The following CALB1 variants were observed in gnomAD, a reference collection of about 807,000 sequenced individuals.
CALB1 encodes calbindin 1, also known as calbindin.
In CALB1, 16 loss-of-function variants were observed where a neutral mutation model predicts 46.7. That is an observed-to-expected ratio of 0.34 (90% CI 0.23 to 0.52). The LOEUF (loss-of-function observed/expected upper bound fraction) is 0.52, where lower values mean the gene tolerates loss of function less well. CALB1 is among the 20% of genes least tolerant of loss of function. The probability of loss-of-function intolerance (pLI) is 0.95; values close to 1 mark genes in which losing one functional copy is unlikely to be tolerated. For synonymous variants in CALB1, 90 were observed against 112.8 expected (o/e 0.80, Z 1.28); for missense variants, 224 against 300.3 (o/e 0.75, Z 1.88).
At chr8:90,074,130 A>G (rs983328316) in intron 3 of CALB1, among the ~76,000 whole-genome samples, 3 of 152,160 alleles carry the variant, frequency 2.0e-5, no homozygotes, top group Non-Finnish European at 4.4e-5. Flanking sequence ...CTTTCAGTTT[A>G]ATAATTTGAA....
Position 90,058,739 on chromosome 8 carries a change from T to C in CALB1, c.*1434A>G, listed in dbSNP as rs1185773802. On this transcript the variant is annotated 3_prime_UTR_variant, in exon 11 of 11. Transcript: ENST00000265431. ...TTGTTGAATTTTAGTTTTTGGCAAATCTCGTTTCTGTTTGTTCTTGAGGGA... is the reference window on the plus strand; with the variant it reads ...TTGTTGAATTTTAGTTTTTGGCAAACCTCGTTTCTGTTTGTTCTTGAGGGA... The C allele has an allele frequency of 6.6e-6, 1 of 152,238 alleles. No homozygotes were observed. The highest frequency in any genetic ancestry group is 1.5e-5 in the Non-Finnish European group (1 of 68,050). 9.4% of individuals were successfully genotyped at this position (152,238 alleles called of 1,614,324 possible). A position where few individuals can be genotyped will look rare whatever the true frequency, so the allele number is the denominator to read the frequency against.
At chr8:90,077,225 T>C (rs948872589) in intron 3 of CALB1, among the ~76,000 whole-genome samples, 1 of 151,986 alleles carries the variant, frequency 6.6e-6, no homozygotes, top group Non-Finnish European at 1.5e-5. Flanking sequence ...TAGTAATGAG[T>C]TACACACGGG....
At chr8:90,078,261 T>C in intron 3 of CALB1, 112 bp downstream of exon 3, 1 of 648,416 alleles carries the variant, frequency 1.5e-6, no homozygotes, top group Non-Finnish European at 2.7e-6. Flanking sequence ...ATTACTTAGG[T>C]AAAATAAACT....
chr8:90,077,516 A>C (rs1264524110), intron 3 of CALB1, among the ~76,000 whole-genome samples: 1 of 152,052 alleles, frequency 6.6e-6, no homozygotes, highest in African/African-American at 2.4e-5. Context: ...GCATATTTCA[A>C]ATTATGACCT....
At chr8:90,070,894 C>T (rs1184522076) in intron 3 of CALB1, among the ~76,000 whole-genome samples, 2 of 146,094 alleles carry the variant, frequency 1.4e-5, no homozygotes, top group East Asian at 2.0e-4. Flanking sequence ...TATCCAGGTC[C>T]CTTATTAAAC....
intron 3 of CALB1, among the ~76,000 whole-genome samples, chr8:90,070,414 T>A (rs1814490311): frequency 6.6e-6 from 1 of 152,216 alleles, no homozygotes; most frequent in African/African-American, 2.4e-5. Context: ...TCTACCAAGT[T>A]ATAGAAAATA....
At chr8:90,063,949 A>G (rs573710070) in intron 6 of CALB1, 4 of 154,144 alleles carry the variant, frequency 2.6e-5, no homozygotes, top group South Asian at 4.0e-4. Context: ...TAGAAACTCC[A>G]TAAAGCTCTC....
At position 90,060,192 on chromosome 8, in the gene CALB1, A is replaced by G; in HGVS notation, c.767T>C (p.Leu256Pro). The stretch of plus-strand genomic sequence containing the variant: ...CCAACTCTAGTTATCCCCAGCACAG[A>G]GAATAAGAGCAAGATCCGTTCGGTA... ...KLYRTDLALI[L>P]CAGDN Residue 256 changes from leucine to proline, a missense_variant, in exon 11 of 11, where the codon CTC becomes CCC. Coordinates refer to ENST00000265431, the MANE Select transcript of CALB1 (RefSeq NM_004929.4). 6.2e-7 allele frequency: 1 copy of G among 1,612,344 alleles called. No homozygotes were observed. Among genetic ancestry groups the G allele is most frequent in the Non-Finnish European group, 8.5e-7 (1 of 1,178,374 alleles).
intron 2 of CALB1, among the ~76,000 whole-genome samples, chr8:90,079,919 G>C (rs1259241068): frequency 6.6e-6 from 1 of 151,792 alleles, no homozygotes; most frequent in Non-Finnish European, 1.5e-5. Flanking sequence ...AATGCAAAAA[G>C]CCTGGTTTAT....
Position 90,060,618 on chromosome 8 carries a change from A to C in CALB1, c.672+11T>G. 6.2e-7 allele frequency: 1 copy of C among 1,607,954 alleles called. No individual in the cohort carries two copies. The highest frequency in any genetic ancestry group is 8.5e-7 in the Non-Finnish European group (1 of 1,174,458). Reference sequence around the variant, plus strand: ...TGCTTAAAGAAGTAAGTGCCATGGTAACTAAGTTACCTGTTTATTCTTCTC... The same window carrying C: ...TGCTTAAAGAAGTAAGTGCCATGGTCACTAAGTTACCTGTTTATTCTTCTC... On this transcript the variant is annotated intron_variant, in intron 10 of 10. Coordinates refer to ENST00000265431, the MANE Select transcript of CALB1 (RefSeq NM_004929.4).
chr8:90,066,934 C>T (rs1480656971), intron 5 of CALB1, among the ~76,000 whole-genome samples: 2 of 152,052 alleles, frequency 1.3e-5, no homozygotes, highest in Admixed American at 6.6e-5. Flanking sequence ...TTATCTCTCT[C>T]CTAAATGTTC....
At chr8:90,081,901 C>G (rs1814739791) in intron 2 of CALB1, 125 bp downstream of exon 2, 1 of 667,998 alleles carries the variant, frequency 1.5e-6, no homozygotes, top group Admixed American at 2.6e-5. Flanking sequence ...TCTTGCCTTT[C>G]GCAGTCAATA....
chr8:90,069,814 C>A (rs991585950), intron 3 of CALB1, among the ~76,000 whole-genome samples: 4 of 152,060 alleles, frequency 2.6e-5, no homozygotes, highest in African/African-American at 9.7e-5. Context: ...AATGGTGGGG[C>A]GTTAAACAGG....
chr8:90,082,454 G>C (rs973719343), intron 1 of CALB1, 165 bp downstream of exon 1: 1 of 659,808 alleles, frequency 1.5e-6, no homozygotes. Flanking sequence ...CAGGTTGACA[G>C]TTTGGCGGCC....
intron 3 of CALB1, among the ~76,000 whole-genome samples, chr8:90,070,412 G>C (rs1279545771): frequency 6.6e-6 from 1 of 152,092 alleles, no homozygotes; most frequent in African/African-American, 2.4e-5. Flanking sequence ...GTTCTACCAA[G>C]TTATAGAAAA....
intron 2 of CALB1, among the ~76,000 whole-genome samples, chr8:90,078,831 T>C (rs1342271877): frequency 6.6e-6 from 1 of 152,028 alleles, no homozygotes; most frequent in Non-Finnish European, 1.5e-5. Context: ...CTACACTATC[T>C]TGTCTTACAA....
At chr8:90,078,553 T>A (rs1036141358) in intron 2 of CALB1, 106 bp from the exon 3 acceptor site, 6 of 648,872 alleles carry the variant, frequency 9.2e-6, no homozygotes, top group Non-Finnish European at 1.6e-5. Context: ...TAGAACCATT[T>A]AGAAATATGC....
At chr8:90,061,360 G>GT (rs1814294254) in intron 9 of CALB1, 1 of 151,978 alleles carries the variant, frequency 6.6e-6, no homozygotes, top group Non-Finnish European at 1.5e-5. Flanking sequence ...TTTCATAATC[G>GT]TTTTTTCCAA....
At chr8:90,065,615 C>T (rs1392234684) in intron 6 of CALB1, among the ~76,000 whole-genome samples, 8 of 151,646 alleles carry the variant, frequency 5.3e-5, no homozygotes, top group Admixed American at 5.3e-4. Context: ...ATTACACTGG[C>T]TTTGGAAGCA....
Sources: allele counts gnomAD v4.1 joint callset (sites outside exome capture counted in the v4.1 genomes callset), GRCh38; gene constraint gnomAD v4.1.1; transcripts MANE v1.5; gene names NCBI Gene and HGNC (gene_info 2026-07-23, HGNC 2026-07-21).